HIPK2: variants seen among roughly 807,000 people sequenced by gnomAD.
The protein encoded by HIPK2 is homeodomain-interacting protein kinase 2.
A neutral mutation model predicts 113.7 loss-of-function variants in HIPK2; 27 were observed. The ratio of observed to expected loss-of-function variants is 0.24; its 90% CI spans 0.17 to 0.33. The LOEUF (loss-of-function observed/expected upper bound fraction) is 0.33, where lower values mean the gene tolerates loss of function less well. Among genes scored for constraint, HIPK2 ranks in the 10% least tolerant of loss-of-function variants. HIPK2 has a pLI of 1.00. For missense variants in HIPK2, 1,257 were observed against 1,588.0 expected, an observed-to-expected ratio of 0.79 and a Z score of 3.54; for synonymous variants, 631 against 642.2, an observed-to-expected ratio of 0.98 and a Z score of 0.26.
intron 2 of HIPK2, among the ~76,000 whole-genome samples, chr7:139,704,933 C>T (rs1326141157): frequency 6.6e-6 from 1 of 152,184 alleles, no homozygotes; most frequent in African/African-American, 2.4e-5. Context: ...CCCAAGCAAC[C>T]AAGATCTGTC....
At chr7:139,776,113 C>T (rs79053756) in intron 1 of HIPK2, among the ~76,000 whole-genome samples, 1 of 152,308 alleles carries the variant, frequency 6.6e-6, no homozygotes, top group East Asian at 1.9e-4. Context: ...GGTTCTCCCG[C>T]ATGTTCACAT....
chr7:139,732,207 T>G (rs1181119637), intron 1 of HIPK2, among the ~76,000 whole-genome samples: 1 of 152,164 alleles, frequency 6.6e-6, no homozygotes, highest in African/African-American at 2.4e-5. Flanking sequence ...GTGTGTGTGT[T>G]TGTGGATATG....
At chr7:139,763,756 C>G (rs528133300) in intron 1 of HIPK2, among the ~76,000 whole-genome samples, 1 of 152,342 alleles carries the variant, frequency 6.6e-6, no homozygotes, top group South Asian at 2.1e-4. Context: ...ACCCCAAAGT[C>G]AATACTCAGA....
chr7:139,616,711 C>T (rs1028220993), intron 7 of HIPK2, among the ~76,000 whole-genome samples: 8 of 152,216 alleles, frequency 5.3e-5, no homozygotes, highest in Non-Finnish European at 2.9e-5. Context: ...AGCCCAGCTC[C>T]TGTTACAATC....
At chr7:139,680,558 G>C (rs903874022) in intron 2 of HIPK2, among the ~76,000 whole-genome samples, 3 of 152,236 alleles carry the variant, frequency 2.0e-5, no homozygotes, top group Non-Finnish European at 2.9e-5. Flanking sequence ...CATGGGTACT[G>C]AATGTCCCCA....
chr7:139,607,538 G>A (rs956923365), intron 9 of HIPK2, among the ~76,000 whole-genome samples: 8 of 152,090 alleles, frequency 5.3e-5, no homozygotes, highest in Admixed American at 2.6e-4. Flanking sequence ...AGGGTTTGGG[G>A]CTGTATAATG....
chr7:139,694,627 T>C (rs1794513474), intron 2 of HIPK2, among the ~76,000 whole-genome samples: 1 of 152,176 alleles, frequency 6.6e-6, no homozygotes, highest in Admixed American at 6.5e-5. Context: ...CCTGGTGGCC[T>C]GATCATTCCT....
At chr7:139,659,868 T>C (rs1801807523) in intron 2 of HIPK2, among the ~76,000 whole-genome samples, 1 of 152,246 alleles carries the variant, frequency 6.6e-6, no homozygotes, top group African/African-American at 2.4e-5. Context: ...TACAGGCATA[T>C]AGCTAATCTT....
chr7:139,640,651 AT>A (rs927137530), intron 2 of HIPK2, among the ~76,000 whole-genome samples: 24 of 149,884 alleles, frequency 1.6e-4, no homozygotes, highest in Admixed American at 4.7e-4. Flanking sequence ...CCTCTTCCTT[AT>A]TTTTTTTTTC....
chr7:139,632,476 A>C (rs1177161333), intron 2 of HIPK2, among the ~76,000 whole-genome samples: 1 of 152,234 alleles, frequency 6.6e-6, no homozygotes, highest in African/African-American at 2.4e-5. Context: ...CTAAAAAGCT[A>C]ATCTTCTTAG....
chr7:139,761,427 C>T (rs1272193413), intron 1 of HIPK2, among the ~76,000 whole-genome samples: 1 of 152,178 alleles, frequency 6.6e-6, no homozygotes, highest in African/African-American at 2.4e-5. Context: ...TCTCAGCATC[C>T]CCAGTAGTGG....
intron 1 of HIPK2, among the ~76,000 whole-genome samples, chr7:139,729,605 T>C (rs912829981): frequency 6.6e-6 from 1 of 152,196 alleles, no homozygotes; most frequent in African/African-American, 2.4e-5. Context: ...CACATTGTTC[T>C]GTTTTTCAAC....
At chr7:139,768,527 C>T (rs1796589899) in intron 1 of HIPK2, among the ~76,000 whole-genome samples, 1 of 152,104 alleles carries the variant, frequency 6.6e-6, no homozygotes, top group African/African-American at 2.4e-5. Flanking sequence ...GACTTCTCTC[C>T]TGTGATTTTT....
Position 139,711,045 on chromosome 7 carries a change from T to G in HIPK2, c.1103+4887A>C, listed in dbSNP as rs892774910. Among the ~76,000 whole-genome samples, 6 of 151,654 alleles carry G rather than the reference T, an allele frequency of 4.0e-5. No homozygotes were observed. In the South Asian group the frequency reaches 8.3e-4, roughly 21 times the overall value. On this transcript the variant is annotated intron_variant, in intron 2 of 14. Transcript: ENST00000406875. ...TTACCCAGTCATAGGTAGCTCTTTATGGCAATGCAAGAATGGAATAATACA... is the reference window on the plus strand; with the variant it reads ...TTACCCAGTCATAGGTAGCTCTTTAGGGCAATGCAAGAATGGAATAATACA...
At chr7:139,659,519 T>A (rs757386456) in intron 2 of HIPK2, among the ~76,000 whole-genome samples, 2 of 152,174 alleles carry the variant, frequency 1.3e-5, no homozygotes, top group African/African-American at 4.8e-5. Context: ...TAGAGAGAGA[T>A]TCCTGCTTGG....
chr7:139,757,606 C>G (rs1422783060), intron 1 of HIPK2, among the ~76,000 whole-genome samples: 2 of 152,064 alleles, frequency 1.3e-5, no homozygotes, highest in Non-Finnish European at 2.9e-5. Flanking sequence ...GTGAAAGAAG[C>G]CAGCTGCAAA....
chr7:139,684,764 A>C lies in HIPK2; in HGVS notation c.1103+31168T>G, dbSNP rs150904464. Among the ~76,000 whole-genome samples the C allele has an allele frequency of 2.0e-5, 3 of 152,356 alleles. No homozygotes were observed. The East Asian group carries it at 5.8e-4, about 29-fold the overall frequency. ...GGCTGAATGCTAGGTCTCTTGTGCCAAACAGCCAAGTTGTGAATGCAAAGA... is the reference window on the plus strand; with the variant it reads ...GGCTGAATGCTAGGTCTCTTGTGCCCAACAGCCAAGTTGTGAATGCAAAGA... On this transcript the variant is annotated intron_variant, in intron 2 of 14. Coordinates refer to ENST00000406875, the MANE Select transcript of HIPK2 (RefSeq NM_022740.5).
intron 12 of HIPK2, among the ~76,000 whole-genome samples, chr7:139,594,176 C>T (rs986242910): frequency 1.3e-5 from 2 of 152,176 alleles, no homozygotes; most frequent in African/African-American, 4.8e-5. Flanking sequence ...TCAAAGCCCC[C>T]CTCCCCTGCT....
At chr7:139,609,453 T>C (rs143699249) in intron 9 of HIPK2, among the ~76,000 whole-genome samples, 1 of 152,290 alleles carries the variant, frequency 6.6e-6, no homozygotes, top group Non-Finnish European at 1.5e-5. Flanking sequence ...AAAGACTCCA[T>C]CTCTAAGTGT....
Sources: gnomAD v4.1 joint callset for allele counts (sites outside exome capture counted in the v4.1 genomes callset) on GRCh38, gnomAD v4.1.1 for gene constraint, MANE v1.5 for transcripts, NCBI Gene and HGNC (gene_info 2026-07-23, HGNC 2026-07-21) for gene names.